Variants in FAM120C observed in about 807,000 individuals in gnomAD.
FAM120C encodes family with sequence similarity 120 member C.
In FAM120C, 14 loss-of-function variants were observed where a neutral mutation model predicts 71.2. The observed-to-expected ratio is 0.20, with a 90% CI of 0.13 to 0.31. The LOEUF is 0.31. Among genes scored for constraint, FAM120C ranks in the 10% least tolerant of loss-of-function variants. The pLI is 1.00. For missense variants in FAM120C, 500 were observed against 879.0 expected (o/e 0.57, Z 5.45); for synonymous variants, 354 against 353.2 (o/e 1.00, Z -0.03).
chrX:54,081,724 A>C (rs1179169178), intron 13 of FAM120C, among the ~76,000 whole-genome samples: 1 of 103,638 alleles, frequency 9.6e-6, no homozygotes. Flanking sequence ...CAGTGAGCTG[A>C]GACTGCGCCA....
chrX:54,077,206 C>T (rs2066740089), intron 15 of FAM120C, among the ~76,000 whole-genome samples: 1 of 111,310 alleles, frequency 9.0e-6, no homozygotes, highest in Admixed American at 9.7e-5. Context: ...AAGGCATGTA[C>T]ACTAGAGTCA....
rs2066716860 is a variant in FAM120C, at chrX:54,072,783, C to G, written c.*250G>C. Reference sequence around the variant, plus strand: ...GATAAATAAACTATTGGTGCTATATCTTCAATTTGAGACTAGGACCTAGTC... The same window carrying G: ...GATAAATAAACTATTGGTGCTATATGTTCAATTTGAGACTAGGACCTAGTC... On this transcript the variant is annotated 3_prime_UTR_variant, in exon 16 of 16. Transcript: ENST00000375180. 1 of 314,887 alleles carries G rather than the reference C, an allele frequency of 3.2e-6. No individual in the cohort carries two copies. Among genetic ancestry groups the G allele is most frequent in the Non-Finnish European group, 5.5e-6 (1 of 181,010 alleles). The allele number at this position is 314,887 out of a possible 1,213,427, so 26.0% of individuals were successfully genotyped here.
At chrX:54,101,204 A>G (rs975167961) in intron 10 of FAM120C, among the ~76,000 whole-genome samples, 2 of 111,493 alleles carry the variant, frequency 1.8e-5, no homozygotes, top group Non-Finnish European at 3.8e-5. Context: ...GAGCTGAGAC[A>G]TGAGCCACAC....
rs782031363 is a variant in FAM120C at position 54,070,847 on chromosome X, T to C, written c.*2186A>G. On this transcript the variant is annotated 3_prime_UTR_variant, in exon 16 of 16. Transcript: ENST00000375180. ...AAGTATCTGGGCAGGGGTCAAGGCA[T>C]TGCAGGGCTCCCTCCCCCTGAAAAT... The C allele has an allele frequency of 9.0e-6, 1 of 111,625 alleles. No individual in the cohort carries two copies. Among genetic ancestry groups the C allele is most frequent in the Non-Finnish European group, 1.9e-5 (1 of 53,147 alleles). 9.2% of individuals were successfully genotyped at this position (111,625 alleles called of 1,213,427 possible). A position where few individuals can be genotyped will look rare whatever the true frequency, so the allele number is the denominator to read the frequency against.
chrX:54,083,774 G>A (rs1483522719), intron 13 of FAM120C, among the ~76,000 whole-genome samples: 2 of 111,390 alleles, frequency 1.8e-5, no homozygotes, highest in Non-Finnish European at 3.8e-5. Flanking sequence ...CTGGAGTGCA[G>A]TGGCTCGATC....
chrX:54,142,146 A>C (rs2067128598), intron 4 of FAM120C, among the ~76,000 whole-genome samples: 1 of 112,284 alleles, frequency 8.9e-6, no homozygotes, highest in Admixed American at 9.5e-5. Flanking sequence ...GAACAGCTCC[A>C]GTCTACAGCT....
chrX:54,175,950 T>A (rs2067314857), intron 1 of FAM120C, among the ~76,000 whole-genome samples: 1 of 111,798 alleles, frequency 8.9e-6, no homozygotes, highest in African/African-American at 3.2e-5. Flanking sequence ...AAAAATGTTC[T>A]AGAAAAAGTT....
intron 1 of FAM120C, among the ~76,000 whole-genome samples, chrX:54,167,834 G>A (rs2067267803): frequency 9.2e-6 from 1 of 109,076 alleles, no homozygotes; most frequent in South Asian, 4.1e-4. Flanking sequence ...CGGGTGTGGT[G>A]GCAGGTGCCT....
intron 10 of FAM120C, among the ~76,000 whole-genome samples, chrX:54,109,072 C>T (rs1311981690): frequency 2.8e-5 from 1 of 36,078 alleles, no homozygotes; most frequent in Non-Finnish European, 4.9e-5. Flanking sequence ...GGGCTCTACT[C>T]TCACAGATGG....
intron 2 of FAM120C, 54 bp downstream of exon 2, chrX:54,159,316 A>G (rs983006226): frequency 1.7e-6 from 2 of 1,191,929 alleles, no homozygotes; most frequent in African/African-American, 1.8e-5. Context: ...CTCATCTCTT[A>G]ACACCAGAAG....
intron 9 of FAM120C, among the ~76,000 whole-genome samples, chrX:54,131,648 G>A (rs1397822513): frequency 1.8e-5 from 2 of 111,920 alleles, no homozygotes; most frequent in Non-Finnish European, 3.8e-5. Context: ...ATGTTGGTCA[G>A]GCTGGTCTCG....
In FAM120C at chrX:54,182,659, C is replaced by T; in HGVS notation, c.540G>A (p.Leu180=). 1 of 1,208,919 alleles carries T rather than the reference C, an allele frequency of 8.3e-7. No homozygotes were observed. Among genetic ancestry groups the T allele is most frequent in the Non-Finnish European group, 1.1e-6 (1 of 894,562 alleles). The change falls in exon 1 of 16, where the codon CTG becomes CTA. Residue 180 remains leucine, a synonymous_variant. Transcript: ENST00000375180. ...CCTGGCACCGACGGCCCCACTCGGC[C>T]AGCCGGTCCTTGCCCAGGCCCCCCG... ...MFPGGLGKDR[L]AEWGRRCQAE...
intron 1 of FAM120C, among the ~76,000 whole-genome samples, chrX:54,165,610 C>T (rs782577402): frequency 9.1e-6 from 1 of 109,767 alleles, no homozygotes; most frequent in East Asian, 2.9e-4. Flanking sequence ...AACCCCGTCT[C>T]TACTAAAAAT....
chrX:54,134,858 C>T lies in FAM120C; in HGVS notation c.1589G>A (p.Gly530Asp). The change falls in exon 7 of 16, where the codon GGT (glycine) becomes GAT (aspartate). Residue 530 changes from glycine to aspartate, a missense_variant. Around this residue, in one of 11 missense-constraint regions of FAM120C, gnomAD observed 85 missense variants for 84.9 expected, o/e 1.00. Transcript: ENST00000375180. ...PDSSHSSSSD[G>D]DEPNGASSDH... ...AGAGCTAGCTCCATTTGGCTCATCACCATCAGAGGAAGAGGAGTGGGAAGA... is the reference window on the plus strand; with the variant it reads ...AGAGCTAGCTCCATTTGGCTCATCATCATCAGAGGAAGAGGAGTGGGAAGA... The T allele has an allele frequency of 8.3e-7, 1 of 1,210,950 alleles. No individual in the cohort carries two copies. Among genetic ancestry groups the T allele is most frequent in the South Asian group, 1.8e-5 (1 of 56,734 alleles).
chrX:54,096,767 ATC>A (rs1461359175), intron 10 of FAM120C, among the ~76,000 whole-genome samples: 1 of 111,745 alleles, frequency 8.9e-6, no homozygotes, highest in African/African-American at 3.2e-5. Flanking sequence ...TCTTGCCTAT[ATC>A]TCTGATTATT....
chrX:54,086,359 G>A (rs1557121967), intron 12 of FAM120C, among the ~76,000 whole-genome samples: 1 of 111,963 alleles, frequency 8.9e-6, no homozygotes, highest in Non-Finnish European at 1.9e-5. Flanking sequence ...TAGTACAAAG[G>A]TCTGCAAACT....
rs1209214547 is a variant in FAM120C at position 54,072,021 on chromosome X, C to T, written c.*1012G>A. 9.6e-6 allele frequency: 1 copy of T among 104,517 alleles called. No homozygotes were observed. The highest frequency in any genetic ancestry group is 2.0e-5 in the Non-Finnish European group (1 of 51,130). 8.6% of individuals were successfully genotyped at this position (104,517 alleles called of 1,213,427 possible). ...ACACACATATATACACACATACACA[C>T]ACACTTACATATATATAAAATATGT... is the stretch of plus-strand genomic sequence containing the variant. On this transcript the variant is annotated 3_prime_UTR_variant, in exon 16 of 16. Coordinates refer to ENST00000375180, the MANE Select transcript of FAM120C (RefSeq NM_017848.6).
At chrX:54,179,870 T>G (rs1179188364) in intron 1 of FAM120C, among the ~76,000 whole-genome samples, 1 of 111,988 alleles carries the variant, frequency 8.9e-6, no homozygotes, top group Admixed American at 9.5e-5. Context: ...CAAGAGTGCT[T>G]CTAAGGACTA....
At chrX:54,152,947 G>A (rs2067191028) in intron 3 of FAM120C, among the ~76,000 whole-genome samples, 1 of 111,610 alleles carries the variant, frequency 9.0e-6, no homozygotes, top group Non-Finnish European at 1.9e-5. Flanking sequence ...AGTAGTCCCG[G>A]CACTCTGGGA....
Sources: allele counts gnomAD v4.1 joint callset (sites outside exome capture counted in the v4.1 genomes callset), GRCh38; gene constraint gnomAD v4.1.1; regional missense constraint gnomAD v4.1.1; transcripts MANE v1.5; gene names NCBI Gene and HGNC (gene_info 2026-07-23, HGNC 2026-07-21).